Variants in FRMD4A observed in about 807,000 individuals in gnomAD.
FRMD4A encodes FERM domain containing 4A.
In FRMD4A, 29 loss-of-function variants were observed where a neutral mutation model predicts 129.1. The observed-to-expected ratio is 0.22, with a 90% CI of 0.17 to 0.31. The LOEUF (loss-of-function observed/expected upper bound fraction) is 0.31. Ranked by LOEUF, FRMD4A falls within the 10% of genes least tolerant of loss-of-function variation. The pLI is 1.00. For synonymous variants in FRMD4A, 634 were observed against 571.6 expected, an observed-to-expected ratio of 1.11 and a Z score of -1.56; for missense variants, 1,272 against 1,375.8, an observed-to-expected ratio of 0.92 and a Z score of 1.19.
At chr10:13,936,510 C>T (rs1466616209) in intron 2 of FRMD4A, among the ~76,000 whole-genome samples, 1 of 152,118 alleles carries the variant, frequency 6.6e-6, no homozygotes, top group Non-Finnish European at 1.5e-5. Flanking sequence ...GGTGAAGCCT[C>T]ATGAATGAGA....
intron 3 of FRMD4A, among the ~76,000 whole-genome samples, chr10:13,835,579 A>G (rs1446005960): frequency 6.6e-6 from 1 of 152,110 alleles, no homozygotes; most frequent in Non-Finnish European, 1.5e-5. Flanking sequence ...AGATACTCAT[A>G]GGAGTATGAA....
chr10:14,219,977 C>T (rs1005431442), intron 2 of FRMD4A, among the ~76,000 whole-genome samples: 7 of 152,114 alleles, frequency 4.6e-5, no homozygotes, highest in African/African-American at 1.7e-4. Flanking sequence ...GTATGTTTCC[C>T]TATCTATTGC....
chr10:13,912,772 G>T (rs1384366623), intron 2 of FRMD4A, among the ~76,000 whole-genome samples: 1 of 151,932 alleles, frequency 6.6e-6, no homozygotes, highest in Middle Eastern at 3.4e-3. Flanking sequence ...TTTGTGATCC[G>T]CCTGCCTAGA....
chr10:14,018,037 G>A (rs572315618), intron 2 of FRMD4A, among the ~76,000 whole-genome samples: 2 of 152,214 alleles, frequency 1.3e-5, no homozygotes, highest in East Asian at 3.9e-4. Flanking sequence ...CTTGCTGGGG[G>A]TACTCCATTC....
intron 8 of FRMD4A, among the ~76,000 whole-genome samples, chr10:13,757,827 T>G (rs373185344): frequency 6.6e-6 from 1 of 152,206 alleles, no homozygotes; most frequent in East Asian, 1.9e-4. Flanking sequence ...CACTGCAACC[T>G]CCGCCTACCA....
intron 2 of FRMD4A, among the ~76,000 whole-genome samples, chr10:14,238,680 C>G (rs1843919427): frequency 6.6e-6 from 1 of 152,112 alleles, no homozygotes; most frequent in Admixed American, 6.6e-5. Context: ...CTCTCCCTCC[C>G]CTTATGCTCC....
At chr10:14,071,219 C>T (rs773067366) in intron 2 of FRMD4A, among the ~76,000 whole-genome samples, 5 of 152,196 alleles carry the variant, frequency 3.3e-5, no homozygotes, top group Non-Finnish European at 7.3e-5. Flanking sequence ...CCAAGGCTAA[C>T]TAAGTCCCCT....
At chr10:14,171,980 G>C (rs867258370) in intron 2 of FRMD4A, among the ~76,000 whole-genome samples, 20 of 152,102 alleles carry the variant, frequency 1.3e-4, no homozygotes, top group African/African-American at 4.8e-4. Context: ...TAAAAATATC[G>C]CTGGGTAATT....
chr10:14,205,208 C>A (rs760934475), intron 2 of FRMD4A, among the ~76,000 whole-genome samples: 1 of 151,970 alleles, frequency 6.6e-6, no homozygotes, highest in Non-Finnish European at 1.5e-5. Flanking sequence ...AAAGTTAATT[C>A]CAATAAAACA....
intron 2 of FRMD4A, among the ~76,000 whole-genome samples, chr10:13,914,069 G>A (rs992291538): frequency 4.6e-5 from 7 of 152,176 alleles, no homozygotes; most frequent in African/African-American, 1.7e-4. Context: ...GCCCTGGGCA[G>A]TCATTCAGCT....
intron 15 of FRMD4A, among the ~76,000 whole-genome samples, chr10:13,678,374 T>C (rs986204592): frequency 6.6e-6 from 1 of 152,248 alleles, no homozygotes; most frequent in Non-Finnish European, 1.5e-5. Context: ...CAGCCTGCCT[T>C]GGACATGCAG....
intron 2 of FRMD4A, among the ~76,000 whole-genome samples, chr10:13,867,119 T>A (rs1397441457): frequency 6.6e-6 from 1 of 152,324 alleles, no homozygotes; most frequent in African/African-American, 2.4e-5. Context: ...TTAACTTTAG[T>A]CCTCATGTTG....
intron 2 of FRMD4A, among the ~76,000 whole-genome samples, chr10:13,916,159 G>A (rs2095001969): frequency 6.6e-6 from 1 of 152,150 alleles, no homozygotes; most frequent in African/African-American, 2.4e-5. Context: ...CTGCCTGACC[G>A]TGGCTCTGGC....
Position 13,821,812 on chromosome 10 carries a change from A to G in FRMD4A, c.112-10904T>C, listed in dbSNP as rs552538559. 2.0e-5 allele frequency among the ~76,000 whole-genome samples: 3 copies of G among 152,258 alleles called. No homozygotes were observed. The highest frequency in any genetic ancestry group is 7.2e-5 in the African/African-American group (3 of 41,544). ...GACCATCTGCCCAGCCCACTTCATG[A>G]CGGCAGCAGAAAGGAAAGCCTAGAG... is the stretch of plus-strand genomic sequence containing the variant. On this transcript the variant is annotated intron_variant, in intron 3 of 24. Transcript: ENST00000357447. This position sits in a 1 kb window ranked among gnomAD's most constrained non-coding sequence, Gnocchi z 4.3.
chr10:14,057,090 CA>C (rs1238528784), intron 2 of FRMD4A, among the ~76,000 whole-genome samples: 1 of 152,196 alleles, frequency 6.6e-6, no homozygotes, highest in Non-Finnish European at 1.5e-5. Context: ...TAGTCTTCTT[CA>C]CTCAGGCTTA....
At chr10:14,123,745 T>C (rs1271832474) in intron 2 of FRMD4A, among the ~76,000 whole-genome samples, 1 of 152,250 alleles carries the variant, frequency 6.6e-6, no homozygotes, top group African/African-American at 2.4e-5. Context: ...AGAACTGTTC[T>C]GGAGCTGAAG....
chr10:14,234,396 T>C (rs556210724), intron 2 of FRMD4A, among the ~76,000 whole-genome samples: 1 of 152,292 alleles, frequency 6.6e-6, no homozygotes, highest in East Asian at 1.9e-4. Context: ...AAAGTTCTTA[T>C]CAGCAACTTT....
chr10:13,737,192 C>A (rs1054254922), intron 12 of FRMD4A, among the ~76,000 whole-genome samples: 2 of 152,196 alleles, frequency 1.3e-5, no homozygotes, highest in Admixed American at 1.3e-4. Context: ...CGGGCTCAAG[C>A]GATTCTCATG....
rs1042253649 is a variant in FRMD4A at position 13,854,565 on chromosome 10, C to T, written c.111+4282G>A. On this transcript the variant is annotated intron_variant, in intron 3 of 24. Coordinates refer to ENST00000357447, the MANE Select transcript of FRMD4A (RefSeq NM_018027.5). ...CTTCCCAAGTAGCTGGGATTACAGG[C>T]GTGCACAACCACACCGAGCTATTTT... Among the ~76,000 whole-genome samples, 4 of 150,758 alleles carry T rather than the reference C, an allele frequency of 2.7e-5. No homozygotes were observed. The South Asian group carries it at 6.3e-4, about 24-fold the overall frequency.
Sources: allele counts gnomAD v4.1 joint callset (sites outside exome capture counted in the v4.1 genomes callset), GRCh38; gene constraint gnomAD v4.1.1; non-coding constraint Gnocchi (gnomAD v3.1); transcripts MANE v1.5; gene names NCBI Gene and HGNC (gene_info 2026-07-23, HGNC 2026-07-21).